DNAH14: variants seen among roughly 807,000 people sequenced by gnomAD.
The protein encoded by DNAH14 is axonemal beta dynein heavy chain 14.
A neutral mutation model predicts 520.9 loss-of-function variants in DNAH14; 478 were observed. The ratio of observed to expected loss-of-function variants is 0.92; its 90% CI spans 0.85 to 0.99. DNAH14 has a LOEUF of 0.99. Ranked by LOEUF, DNAH14 falls within the 50% of genes least tolerant of loss-of-function variation. DNAH14 has a pLI of 0.00. For missense variants in DNAH14, 4,831 were observed against 5,234.5 expected, an observed-to-expected ratio of 0.92 and a Z score of 2.38; for synonymous variants, 1,581 against 1,757.2, an observed-to-expected ratio of 0.90 and a Z score of 2.51.
chr1:225,086,214 G>A (rs961426275), intron 21 of DNAH14, among the ~76,000 whole-genome samples: 3 of 151,712 alleles, frequency 2.0e-5, no homozygotes, highest in African/African-American at 7.3e-5. Context: ...CTCACTGCAA[G>A]CTCCGCCTCC....
intron 6 of DNAH14, 137 bp downstream of exon 6, chr1:224,967,720 C>A: frequency 6.3e-7 from 1 of 1,580,530 alleles, no homozygotes; most frequent in Non-Finnish European, 8.6e-7. Context: ...ATATAAGAAT[C>A]TCCTTGGGAG....
chr1:224,969,649 G>T lies in DNAH14; in HGVS notation c.767+775G>T, dbSNP rs2501149. On this transcript the variant is annotated intron_variant, in intron 7 of 85. Transcript: ENST00000682510. ...TTTGTTGCAGGAAGTCAGGGACCCC[G>T]AACGGAGGGACCGGCCGAAGCCATG... 1.9e-5 allele frequency: 5 copies of T among 269,636 alleles called. No individual in the cohort carries two copies. The South Asian group carries it at 4.4e-4, about 24-fold the overall frequency. 16.7% of individuals were successfully genotyped at this position (269,636 alleles called of 1,614,324 possible).
At chr1:225,092,119 A>T (rs2074453084) in intron 21 of DNAH14, among the ~76,000 whole-genome samples, 1 of 152,142 alleles carries the variant, frequency 6.6e-6, no homozygotes, top group Non-Finnish European at 1.5e-5. Context: ...TGACACAATA[A>T]TAGTGAGAGA....
In DNAH14 at chr1:225,042,884, C is replaced by T. The variant is rs867874459; in HGVS notation, c.1538C>T (p.Pro513Leu). The stretch of plus-strand genomic sequence containing the variant: ...AAGGATTTGAGAAAAACATATGCAC[C>T]AATATTTGAAGTAAATCTATGCTTG... ...VGKDLRKTYA[P>L]IFEVNLCLRI... is the part of the protein sequence containing the mutation. Residue 513 changes from proline to leucine, a missense_variant, in exon 13 of 86, where the codon CCA becomes CTA. Transcript: ENST00000682510. 8 of 1,551,302 alleles carry T rather than the reference C, an allele frequency of 5.2e-6. No individual in the cohort carries two copies. Among genetic ancestry groups the T allele is most frequent in the African/African-American group, 1.4e-5 (1 of 72,982 alleles).
At position 225,376,227 on chromosome 1, in the gene DNAH14, G is replaced by A. The variant is rs113012936; in HGVS notation, c.12517-1010G>A. Among the ~76,000 whole-genome samples, 273 of 152,196 alleles carry A rather than the reference G, an allele frequency of 1.8e-3. 1 individual carries two copies. The highest frequency in any genetic ancestry group is 6.3e-3 in the African/African-American group (263 of 41,520). On this transcript the variant is annotated intron_variant, in intron 78 of 85. Coordinates refer to ENST00000682510, the MANE Select transcript of DNAH14 (RefSeq NM_001367479.1). ...AGATCACTTGAAGTCAGGAGTTCGA[G>A]ACCAGCCTGGCCAACATGATGAGAC...
At chr1:225,135,281 G>A (rs960287760) in intron 27 of DNAH14, among the ~76,000 whole-genome samples, 2 of 152,112 alleles carry the variant, frequency 1.3e-5, no homozygotes, top group African/African-American at 4.8e-5. Flanking sequence ...GCTTTCTGAT[G>A]TGGGCATTTA....
intron 37 of DNAH14, among the ~76,000 whole-genome samples, chr1:225,191,793 G>T (rs1462436402): frequency 6.6e-6 from 1 of 151,476 alleles, no homozygotes; most frequent in African/African-American, 2.4e-5. Flanking sequence ...CTGTCTTCAG[G>T]TTTGCTCATT....
intron 17 of DNAH14, among the ~76,000 whole-genome samples, chr1:225,054,233 T>C (rs2068821524): frequency 6.6e-6 from 1 of 152,164 alleles, no homozygotes; most frequent in Non-Finnish European, 1.5e-5. Context: ...AAGCAGCTAA[T>C]TACATACCCA....
intron 1 of DNAH14, among the ~76,000 whole-genome samples, chr1:224,943,861 G>A (rs539592956): frequency 3.3e-5 from 5 of 151,904 alleles, no homozygotes; most frequent in Non-Finnish European, 5.9e-5. Context: ...TCTGAGAGGT[G>A]GTTTGTTATA....
chr1:225,324,648 A>T (rs2150227534), intron 63 of DNAH14, 89 bp from the exon 64 acceptor site: 4 of 1,194,706 alleles, frequency 3.3e-6, no homozygotes, highest in Non-Finnish European at 4.8e-6. Flanking sequence ...GTAACAATTG[A>T]CTCTGTAAAT....
intron 41 of DNAH14, among the ~76,000 whole-genome samples, chr1:225,218,864 C>T (rs765020186): frequency 6.6e-6 from 1 of 152,186 alleles, no homozygotes; most frequent in African/African-American, 2.4e-5. Flanking sequence ...ACATTCTTCT[C>T]AGCACCACAT....
intron 77 of DNAH14, among the ~76,000 whole-genome samples, chr1:225,370,501 C>G (rs2150638020): frequency 6.6e-6 from 1 of 152,142 alleles, no homozygotes; most frequent in Admixed American, 6.5e-5. Context: ...GCCTGGGTGA[C>G]AGAGTGACAC....
chr1:225,124,996 T>A (rs2077598556), intron 27 of DNAH14, among the ~76,000 whole-genome samples: 1 of 152,164 alleles, frequency 6.6e-6, no homozygotes, highest in Admixed American at 6.6e-5. Flanking sequence ...AACTCTTGGG[T>A]GACTGGATGT....
At chr1:225,349,018 C>CT (rs199750329) in intron 71 of DNAH14, among the ~76,000 whole-genome samples, 1,540 of 152,218 alleles carry the variant, frequency 0.01, 34 homozygotes, top group African/African-American at 0.035. Flanking sequence ...GTCACCCAGG[C>CT]TAGAATACAG....
Position 224,936,819 on chromosome 1 carries a change from A to G in DNAH14, c.-34+6984A>G, listed in dbSNP as rs78145599. On this transcript the variant is annotated intron_variant, in intron 1 of 85. Transcript: ENST00000682510. ...ATGAAGATAGATGCAGAAATTCTCA[A>G]CAAAATTCTAGCAAAATGAATTCAA... Among the ~76,000 whole-genome samples, 33 of 152,134 alleles carry G rather than the reference A, an allele frequency of 2.2e-4. No individual in the cohort carries two copies. The East Asian group carries it at 5.8e-3, about 27-fold the overall frequency.
chr1:225,384,245 T>G (rs1374918868), intron 81 of DNAH14, among the ~76,000 whole-genome samples: 1 of 152,204 alleles, frequency 6.6e-6, no homozygotes, highest in South Asian at 2.1e-4. Flanking sequence ...TGTAGATGTC[T>G]ATTAGGTCCG....
intron 54 of DNAH14, among the ~76,000 whole-genome samples, chr1:225,282,866 TG>T (rs1172887814): frequency 6.6e-6 from 1 of 152,236 alleles, no homozygotes; most frequent in African/African-American, 2.4e-5. Context: ...TCGTGTGCTT[TG>T]CCCATTTTTC....
chr1:225,355,981 T>C (rs1482997320), intron 73 of DNAH14, among the ~76,000 whole-genome samples: 1 of 152,178 alleles, frequency 6.6e-6, no homozygotes. Flanking sequence ...TTATTTCACA[T>C]AGCATGATGT....
chr1:225,208,541 A>C (rs917421004), intron 41 of DNAH14, among the ~76,000 whole-genome samples: 3 of 152,180 alleles, frequency 2.0e-5, no homozygotes, highest in African/African-American at 7.2e-5. Flanking sequence ...GATGAATAAA[A>C]ATTGAAAGGT....
Sources: gnomAD v4.1 joint callset for allele counts (sites outside exome capture counted in the v4.1 genomes callset) on GRCh38, gnomAD v4.1.1 for gene constraint, MANE v1.5 for transcripts, NCBI Gene and HGNC (gene_info 2026-07-23, HGNC 2026-07-21) for gene names.